CNTN6: variants seen among roughly 807,000 people sequenced by gnomAD.
CNTN6 encodes contactin-6.
CNTN6 carries 137 observed loss-of-function variants against 122.8 expected under a neutral mutation model. The ratio of observed to expected loss-of-function variants is 1.12; its 90% confidence interval spans 0.97 to 1.29. The LOEUF (loss-of-function observed/expected upper bound fraction) is 1.29. CNTN6 is among the 50% of genes most tolerant of loss of function. The probability of loss-of-function intolerance (pLI) is 0.00; values close to 1 mark genes in which losing one functional copy is unlikely to be tolerated. For synonymous variants in CNTN6, 570 were observed against 426.0 expected, an observed-to-expected ratio of 1.34 and a Z score of -4.16; for missense variants, 1,634 against 1,223.4, an observed-to-expected ratio of 1.34 and a Z score of -5.01.
chr3:1,216,983 A>C (rs1030100362), intron 2 of CNTN6, among the ~76,000 whole-genome samples: 3 of 152,172 alleles, frequency 2.0e-5, no homozygotes, highest in Non-Finnish European at 4.4e-5. Flanking sequence ...GATGATGATG[A>C]TGCTGATGAT....
chr3:1,183,384 T>C (rs1156897504), intron 2 of CNTN6, among the ~76,000 whole-genome samples: 1 of 152,052 alleles, frequency 6.6e-6, no homozygotes, highest in Non-Finnish European at 1.5e-5. Context: ...AACTAAAATT[T>C]TAAATTTAAA....
intron 12 of CNTN6, among the ~76,000 whole-genome samples, chr3:1,359,391 T>C (rs1247700914): frequency 1.3e-5 from 2 of 152,148 alleles, no homozygotes; most frequent in African/African-American, 4.8e-5. Flanking sequence ...TTTTCTCATT[T>C]AGACATCTCA....
At chr3:1,201,409 G>A (rs1159143695) in intron 2 of CNTN6, among the ~76,000 whole-genome samples, 1 of 151,818 alleles carries the variant, frequency 6.6e-6, no homozygotes, top group Non-Finnish European at 1.5e-5. Context: ...TTTTTCTCAT[G>A]GAGTTTTGTT....
intron 1 of CNTN6, among the ~76,000 whole-genome samples, chr3:1,124,712 T>C (rs577108919): frequency 6.6e-6 from 1 of 151,898 alleles, no homozygotes; most frequent in African/African-American, 2.4e-5. Flanking sequence ...AGAAAGAACA[T>C]CCCTTCCGCT....
At chr3:1,374,251 ATAG>A (rs1709545953) in intron 16 of CNTN6, among the ~76,000 whole-genome samples, 178 bp downstream of exon 16, 1 of 152,064 alleles carries the variant, frequency 6.6e-6, no homozygotes, top group Non-Finnish European at 1.5e-5. Context: ...TTTTCTCCAA[ATAG>A]TAGGTTCAAT....
At chr3:1,229,518 C>T (rs543998448) in intron 4 of CNTN6, among the ~76,000 whole-genome samples, 1 of 152,270 alleles carries the variant, frequency 6.6e-6, no homozygotes, top group South Asian at 2.1e-4. Flanking sequence ...TGAATGTCTA[C>T]ATCTCAAATC....
At chr3:1,125,230 A>G (rs1032828709) in intron 1 of CNTN6, among the ~76,000 whole-genome samples, 7 of 151,994 alleles carry the variant, frequency 4.6e-5, no homozygotes, top group African/African-American at 1.4e-4. Flanking sequence ...GACTAAAACT[A>G]TATCTGATTT....
chr3:1,249,378 A>G (rs17036375), intron 4 of CNTN6, among the ~76,000 whole-genome samples: 10,286 of 152,274 alleles, frequency 0.068, 445 homozygotes, highest in East Asian at 0.15. Flanking sequence ...CTGTATTTAT[A>G]CATCTGCCAA....
intron 12 of CNTN6, among the ~76,000 whole-genome samples, chr3:1,358,193 A>T (rs1267519036): frequency 6.6e-6 from 1 of 151,954 alleles, no homozygotes; most frequent in Non-Finnish European, 1.5e-5. Flanking sequence ...ACTTCAACCG[A>T]TACGTTTATT....
chr3:1,382,879 C>A, intron 17 of CNTN6, 63 bp from the exon 18 acceptor site: 1 of 1,073,210 alleles, frequency 9.3e-7, no homozygotes, highest in Non-Finnish European at 1.4e-6. Flanking sequence ...AATCAATAAA[C>A]ATTATAGTAG....
At chr3:1,363,533 G>A (rs1290856148) in intron 12 of CNTN6, among the ~76,000 whole-genome samples, 1 of 151,634 alleles carries the variant, frequency 6.6e-6, no homozygotes, top group Admixed American at 6.6e-5. Context: ...TCTGTGCCTG[G>A]CTTACTTCAC....
intron 20 of CNTN6, among the ~76,000 whole-genome samples, chr3:1,386,843 A>AAGAAG (rs1294215059): frequency 6.6e-6 from 1 of 152,146 alleles, no homozygotes; most frequent in Non-Finnish European, 1.5e-5. Flanking sequence ...CATATTTGGA[A>AAGAAG]AGAAGAGATG....
At chr3:1,163,213 T>G (rs769030362) in intron 2 of CNTN6, among the ~76,000 whole-genome samples, 1 of 152,198 alleles carries the variant, frequency 6.6e-6, no homozygotes, top group Non-Finnish European at 1.5e-5. Flanking sequence ...TATTTATCCA[T>G]CTTATGCTAT....
intron 2 of CNTN6, among the ~76,000 whole-genome samples, chr3:1,157,055 C>T: frequency 6.6e-6 from 1 of 150,580 alleles, no homozygotes; most frequent in Non-Finnish European, 1.5e-5. Context: ...TTTCTGTGTA[C>T]ATAGTAGGTG....
intron 20 of CNTN6, among the ~76,000 whole-genome samples, chr3:1,386,592 G>GTTGTA (rs1576013040): frequency 1.3e-5 from 2 of 152,106 alleles, no homozygotes; most frequent in East Asian, 3.9e-4. Flanking sequence ...ATCCGACTTA[G>GTTGTA]TTGTTCCTGT....
chr3:1,108,115 A>G (rs1272030358), intron 1 of CNTN6, among the ~76,000 whole-genome samples: 1 of 152,050 alleles, frequency 6.6e-6, no homozygotes, highest in Non-Finnish European at 1.5e-5. Flanking sequence ...AATCCATTTG[A>G]GGTGACAAAA....
At chr3:1,386,585 C>T (rs572673990) in intron 20 of CNTN6, among the ~76,000 whole-genome samples, 95 of 152,208 alleles carry the variant, frequency 6.2e-4, no homozygotes, top group Non-Finnish European at 7.1e-4. Flanking sequence ...TCTGATCATC[C>T]GACTTAGTTG....
At chr3:1,153,007 C>T (rs2092881968) in intron 2 of CNTN6, among the ~76,000 whole-genome samples, 2 of 152,152 alleles carry the variant, frequency 1.3e-5, no homozygotes, top group Admixed American at 1.3e-4. Flanking sequence ...TTTTAACATT[C>T]TTATTTTAAC....
chr3:1,101,096 C>G (rs1264201407), intron 1 of CNTN6, among the ~76,000 whole-genome samples: 1 of 152,084 alleles, frequency 6.6e-6, no homozygotes, highest in African/African-American at 2.4e-5. Flanking sequence ...TGGTTCTGGA[C>G]TATTTTATAT....
Sources: allele counts gnomAD v4.1 joint callset (sites outside exome capture counted in the v4.1 genomes callset), GRCh38; gene constraint gnomAD v4.1.1; transcripts MANE v1.5; gene names NCBI Gene and HGNC (gene_info 2026-07-23, HGNC 2026-07-21).